The following NR6A1 variants were observed in gnomAD, a reference collection of about 807,000 sequenced individuals.
NR6A1 encodes the protein retinoic acid receptor-related testis-associated receptor.
In NR6A1, 7 loss-of-function variants were observed where a neutral mutation model predicts 59.1. The ratio of observed to expected loss-of-function variants is 0.12; its 90% CI spans 0.07 to 0.22. NR6A1 has a LOEUF of 0.22. Ranked by LOEUF, NR6A1 falls within the 10% of genes least tolerant of loss-of-function variation. NR6A1 has a pLI of 1.00. For missense variants in NR6A1, 468 were observed against 611.6 expected (o/e 0.77, Z 2.48); for synonymous variants, 243 against 236.1 (o/e 1.03, Z -0.27).
chr9:124,688,443 A>AT (rs1396565425), intron 2 of NR6A1, among the ~76,000 whole-genome samples: 1 of 152,260 alleles, frequency 6.6e-6, no homozygotes, highest in Non-Finnish European at 1.5e-5. Context: ...AAACGCATAT[A>AT]ATGAGGGACT....
rs748259606 is a variant in NR6A1, at chr9:124,522,781, T to C, written c.1367A>G (p.Asn456Ser). ...EIRYIAGKMVNVPLEQLPLLF... is the reference protein window; with the variant it reads ...EIRYIAGKMVSVPLEQLPLLF... ...GAGGGGCAGCTGCTCCAGGGGCACATTCACCATCTTTCCTGGGAACAAGGG... is the reference window on the plus strand; with the variant it reads ...GAGGGGCAGCTGCTCCAGGGGCACACTCACCATCTTTCCTGGGAACAAGGG... Residue 456 changes from asparagine to serine, a missense_variant, in exon 10 of 10, where the codon AAT (asparagine) becomes AGT (serine). Asn to Ser is a conservative substitution (Grantham distance 46). Around this residue, in one of 4 missense-constraint regions of NR6A1, gnomAD observed 176 missense variants for 264.0 expected, o/e 0.67. Coordinates refer to ENST00000487099, the MANE Select transcript of NR6A1 (RefSeq NM_033334.4). 6.3e-6 allele frequency: 10 copies of C among 1,587,366 alleles called. No individual in the cohort carries two copies. Among genetic ancestry groups the C allele is most frequent in the South Asian group, 5.8e-5 (5 of 86,704 alleles).
Position 124,715,492 on chromosome 9 carries a change from C to T in NR6A1, c.142+17816G>A, listed in dbSNP as rs151146556. 1.1e-4 allele frequency among the ~76,000 whole-genome samples: 16 copies of T among 152,136 alleles called. No individual in the cohort carries two copies. In the East Asian group the frequency reaches 2.9e-3, roughly 28 times the overall value. ...TGAGGCTGCAGTGAGCTATGGATTGCACCACTGTACTCCAGCCTCAGTAAC... is the reference window on the plus strand; with the variant it reads ...TGAGGCTGCAGTGAGCTATGGATTGTACCACTGTACTCCAGCCTCAGTAAC... On this transcript the variant is annotated intron_variant, in intron 2 of 9. Coordinates refer to ENST00000487099, the MANE Select transcript of NR6A1 (RefSeq NM_033334.4).
intron 1 of NR6A1, among the ~76,000 whole-genome samples, chr9:124,759,338 C>G (rs1015126353): frequency 6.6e-6 from 1 of 152,182 alleles, no homozygotes; most frequent in Non-Finnish European, 1.5e-5. Flanking sequence ...TCTGGGATAT[C>G]TAGTCACTTT....
intron 2 of NR6A1, among the ~76,000 whole-genome samples, chr9:124,611,700 G>C (rs2130843055): frequency 6.7e-6 from 1 of 150,220 alleles, no homozygotes; most frequent in East Asian, 2.0e-4. Flanking sequence ...AGTGAGCCGT[G>C]ATTACACCAC....
At chr9:124,695,736 C>A (rs1376915995) in intron 2 of NR6A1, among the ~76,000 whole-genome samples, 1 of 152,082 alleles carries the variant, frequency 6.6e-6, no homozygotes, top group Non-Finnish European at 1.5e-5. Context: ...TCCACGCAGT[C>A]TTGTTTTTCA....
At chr9:124,657,680 T>C (rs1837299723) in intron 2 of NR6A1, among the ~76,000 whole-genome samples, 1 of 152,126 alleles carries the variant, frequency 6.6e-6, no homozygotes, top group Non-Finnish European at 1.5e-5. Context: ...GAGCAGACCG[T>C]GGCTGTCTTG....
intron 2 of NR6A1, among the ~76,000 whole-genome samples, chr9:124,682,956 A>G: frequency 6.6e-6 from 1 of 152,234 alleles, no homozygotes; most frequent in East Asian, 1.9e-4. Flanking sequence ...CTGTAATCCC[A>G]GCATTCTGGG....
chr9:124,538,016 A>G, intron 6 of NR6A1, 76 bp downstream of exon 6: 1 of 1,228,954 alleles, frequency 8.1e-7, no homozygotes, highest in Non-Finnish European at 1.2e-6. Flanking sequence ...CGGGTATAGG[A>G]GCCAGGGACG....
At chr9:124,667,424 A>C (rs1255816524) in intron 2 of NR6A1, among the ~76,000 whole-genome samples, 1 of 152,156 alleles carries the variant, frequency 6.6e-6, no homozygotes, top group Non-Finnish European at 1.5e-5. Context: ...AAGTATATCT[A>C]AAATACGTGC....
intron 7 of NR6A1, 42 bp downstream of exon 7, chr9:124,535,836 G>A (rs766535541): frequency 8.7e-6 from 14 of 1,608,546 alleles, no homozygotes; most frequent in African/African-American, 1.3e-5. Flanking sequence ...GATGACAATT[G>A]TTTGGTTGTT....
At chr9:124,672,382 C>T (rs903602252) in intron 2 of NR6A1, among the ~76,000 whole-genome samples, 16 of 151,952 alleles carry the variant, frequency 1.1e-4, no homozygotes, top group African/African-American at 3.9e-4. Flanking sequence ...TTTGGGAGGC[C>T]GAGGCGGGCG....
At chr9:124,689,867 C>G (rs1052627590) in intron 2 of NR6A1, among the ~76,000 whole-genome samples, 1 of 152,168 alleles carries the variant, frequency 6.6e-6, no homozygotes, top group South Asian at 2.1e-4. Flanking sequence ...ATAGTTCACA[C>G]CAATCCACCA....
At chr9:124,732,729 T>C (rs1839920568) in intron 2 of NR6A1, among the ~76,000 whole-genome samples, 1 of 151,552 alleles carries the variant, frequency 6.6e-6, no homozygotes, top group African/African-American at 2.4e-5. Flanking sequence ...GGAGTTTTGC[T>C]CTTGTCACCC....
intron 2 of NR6A1, among the ~76,000 whole-genome samples, chr9:124,609,063 A>T (rs973704527): frequency 5.3e-5 from 8 of 151,606 alleles, no homozygotes; most frequent in African/African-American, 1.2e-4. Context: ...GATTGCGAAA[A>T]TTTTCTCCCA....
intron 2 of NR6A1, among the ~76,000 whole-genome samples, chr9:124,575,096 C>T (rs1834550991): frequency 6.6e-6 from 1 of 152,176 alleles, no homozygotes; most frequent in African/African-American, 2.4e-5. Context: ...TCCCTCTTAG[C>T]TCTGGGACAT....
chr9:124,656,951 AGAG>A (rs1376258571), intron 2 of NR6A1, among the ~76,000 whole-genome samples: 6 of 152,182 alleles, frequency 3.9e-5, no homozygotes, highest in Non-Finnish European at 7.4e-5. Context: ...CAGTTTTGCA[AGAG>A]GAGAAGAGTT....
chr9:124,553,266 C>T lies in NR6A1; in HGVS notation c.385+1062G>A, dbSNP rs552961635. On this transcript the variant is annotated intron_variant, in intron 3 of 9. Transcript: ENST00000487099. ...GAATACCACTCTAGGCTTCTGACAC[C>T]GGCCCTTCTCTCTTCTGTATCTAAG... 6.2e-4 allele frequency among the ~76,000 whole-genome samples: 94 copies of T among 152,224 alleles called. 1 individual carries two copies. In the South Asian group the frequency reaches 0.018, roughly 30 times the overall value.
intron 2 of NR6A1, among the ~76,000 whole-genome samples, chr9:124,623,266 G>A (rs1364501935): frequency 6.6e-6 from 1 of 152,106 alleles, no homozygotes; most frequent in Non-Finnish European, 1.5e-5. Context: ...GGGAAAGGAG[G>A]CCATTCAGGC....
intron 2 of NR6A1, among the ~76,000 whole-genome samples, chr9:124,606,018 C>A (rs1377785742): frequency 6.6e-6 from 1 of 152,142 alleles, no homozygotes; most frequent in African/African-American, 2.4e-5. Context: ...GCTGCTAAGA[C>A]TCAAAACCAT....
Sources: allele counts gnomAD v4.1 joint callset (sites outside exome capture counted in the v4.1 genomes callset), GRCh38; gene constraint gnomAD v4.1.1; regional missense constraint gnomAD v4.1.1; transcripts MANE v1.5; gene names NCBI Gene and HGNC (gene_info 2026-07-23, HGNC 2026-07-21).